Variants in NCKAP5 observed in about 807,000 individuals in gnomAD.
NCKAP5 encodes NCK associated protein 5, also known as nck-associated protein 5.
A neutral mutation model predicts 167.0 loss-of-function variants in NCKAP5; 92 were observed. That is an observed-to-expected ratio of 0.55 (90% CI 0.47 to 0.66). The LOEUF (loss-of-function observed/expected upper bound fraction) is 0.66, where lower values mean the gene tolerates loss of function less well. NCKAP5 is among the 30% of genes least tolerant of loss of function. The pLI, the probability that NCKAP5 is intolerant of heterozygous loss-of-function variation, is 0.00. For synonymous variants in NCKAP5, 891 were observed against 877.4 expected (o/e 1.02, Z -0.27); for missense variants, 2,378 against 2,315.0 (o/e 1.03, Z -0.56).
intron 4 of NCKAP5, chr2:133,269,009 T>C (rs2089385940): frequency 6.6e-6 from 1 of 152,224 alleles, no homozygotes; most frequent in Non-Finnish European, 1.5e-5. Flanking sequence ...TGTCAACTAC[T>C]AGGCTTCTGG....
intron 19 of NCKAP5, among the ~76,000 whole-genome samples, chr2:132,703,402 T>A (rs530765960): frequency 2.6e-5 from 4 of 152,212 alleles, no homozygotes; most frequent in Non-Finnish European, 5.9e-5. Context: ...GCTTTATTAC[T>A]TCATGTTAGA....
intron 5 of NCKAP5, among the ~76,000 whole-genome samples, chr2:133,177,183 T>TATATAC (rs371451759): frequency 0.047 from 6,742 of 142,470 alleles, 533 homozygotes; most frequent in African/African-American, 0.16. Flanking sequence ...TATATATATA[T>TATATAC]ATATACTCAA....
At chr2:132,939,703 A>G (rs1457676741) in intron 8 of NCKAP5, among the ~76,000 whole-genome samples, 1 of 152,138 alleles carries the variant, frequency 6.6e-6, no homozygotes, top group Non-Finnish European at 1.5e-5. Flanking sequence ...CATTGTACTC[A>G]ATATTGTAGT....
intron 6 of NCKAP5, among the ~76,000 whole-genome samples, chr2:132,995,172 TA>T (rs933387571): frequency 1.3e-5 from 2 of 152,260 alleles, no homozygotes; most frequent in East Asian, 3.9e-4. Context: ...ACTAAATCTA[TA>T]AAAAATATTT....
chr2:133,217,924 A>C (rs2086501235), intron 4 of NCKAP5, among the ~76,000 whole-genome samples: 1 of 152,142 alleles, frequency 6.6e-6, no homozygotes, highest in Non-Finnish European at 1.5e-5. Flanking sequence ...GAAAAGTACA[A>C]CTTCCATAGG....
In NCKAP5 at chr2:132,785,565, C is replaced by T; in HGVS notation, c.1246G>A (p.Glu416Lys). The T allele has an allele frequency of 1.3e-6, 2 of 1,599,174 alleles. No homozygotes were observed. Among genetic ancestry groups the T allele is most frequent in the Non-Finnish European group, 8.5e-7 (1 of 1,173,140 alleles). The change falls in exon 14 of 20, where the codon GAA becomes AAA. Residue 416 changes from glutamate to lysine, a missense_variant. Physicochemically the swap from Glu to Lys is moderately conservative, Grantham distance 56. Around this residue, in one of 3 missense-constraint regions of NCKAP5, gnomAD observed 1,049 missense variants for 1,023.4 expected, o/e 1.02. Transcript: ENST00000409261. ...CATTTGGTTATCACTGATGGGGGTTCAAGTAACACTTTTCGCTTCTGTAGC... is the reference window on the plus strand; with the variant it reads ...CATTTGGTTATCACTGATGGGGGTTTAAGTAACACTTTTCGCTTCTGTAGC... ...RKLQKRKVLL[E>K]PPSVITKWGY...
intron 16 of NCKAP5, among the ~76,000 whole-genome samples, chr2:132,733,197 G>A (rs1041179408): frequency 2.6e-5 from 4 of 152,188 alleles, no homozygotes; most frequent in Non-Finnish European, 5.9e-5. Context: ...CAGCTTCCAA[G>A]ATCTGGATGT....
chr2:133,484,714 T>C (rs1378292477), intron 3 of NCKAP5, among the ~76,000 whole-genome samples: 1 of 152,202 alleles, frequency 6.6e-6, no homozygotes, highest in East Asian at 1.9e-4. Flanking sequence ...TAAAATTACC[T>C]TCAGGCTGTG....
the NCKAP5 span, among the ~76,000 whole-genome samples, chr2:133,674,707 T>C: frequency 6.6e-6 from 1 of 152,158 alleles, no homozygotes; most frequent in Admixed American, 6.5e-5. Context: ...TGCTGAATGT[T>C]TCACTTTAGC....
chr2:133,325,677 C>T (rs1214697743), intron 3 of NCKAP5, among the ~76,000 whole-genome samples: 4 of 152,188 alleles, frequency 2.6e-5, no homozygotes, highest in African/African-American at 9.7e-5. Context: ...TCTATCTGCT[C>T]CCAGGGTAGA....
chr2:133,593,045 T>G, the NCKAP5 span, among the ~76,000 whole-genome samples: 2 of 152,170 alleles, frequency 1.3e-5, no homozygotes, highest in Non-Finnish European at 2.9e-5. Context: ...TCCTGGATTG[T>G]CCTTCCTGAG....
rs201843306 is a variant in NCKAP5, at chr2:132,703,755, A to C, written c.5713+21872T>G. Among the ~76,000 whole-genome samples the C allele has an allele frequency of 5.3e-5, 8 of 152,356 alleles. No individual in the cohort carries two copies. The East Asian group carries it at 1.5e-3, about 29-fold the overall frequency. ...ACTTATTTTGTATAAGTATTGTGATAGGTTGTAGAGATTACCAAGATAAAT... is the reference window on the plus strand; with the variant it reads ...ACTTATTTTGTATAAGTATTGTGATCGGTTGTAGAGATTACCAAGATAAAT... On this transcript the variant is annotated intron_variant, in intron 19 of 19. Coordinates refer to ENST00000409261, the MANE Select transcript of NCKAP5 (RefSeq NM_207363.3).
At chr2:132,861,574 G>A (rs968394311) in intron 10 of NCKAP5, among the ~76,000 whole-genome samples, 6 of 151,828 alleles carry the variant, frequency 4.0e-5, no homozygotes, top group African/African-American at 1.2e-4. Flanking sequence ...AAAGCTCTAC[G>A]CATTCCTTCT....
chr2:133,464,396 A>T (rs2151246584), intron 3 of NCKAP5, among the ~76,000 whole-genome samples: 1 of 151,718 alleles, frequency 6.6e-6, no homozygotes, highest in South Asian at 2.1e-4. Flanking sequence ...TAAATGAATA[A>T]ATAAAATAAA....
intron 2 of NCKAP5, among the ~76,000 whole-genome samples, chr2:133,526,008 C>T (rs540951439): frequency 6.6e-5 from 10 of 151,958 alleles, no homozygotes; most frequent in African/African-American, 7.3e-5. Flanking sequence ...TTTAAAATAC[C>T]GGAGTAGATA....
intron 3 of NCKAP5, among the ~76,000 whole-genome samples, chr2:133,465,373 G>A (rs1406208082): frequency 6.6e-6 from 1 of 151,874 alleles, no homozygotes; most frequent in Non-Finnish European, 1.5e-5. Flanking sequence ...ATTCCATGGT[G>A]TATATGTGCC....
At chr2:133,158,318 A>AT (rs1267935447) in intron 5 of NCKAP5, among the ~76,000 whole-genome samples, 5 of 152,138 alleles carry the variant, frequency 3.3e-5, no homozygotes, top group Admixed American at 6.5e-5. Context: ...CCTGCAGATA[A>AT]TTTTTTCTGG....
chr2:133,172,615 T>C (rs2084295064), intron 5 of NCKAP5, among the ~76,000 whole-genome samples: 1 of 151,778 alleles, frequency 6.6e-6, no homozygotes, highest in Non-Finnish European at 1.5e-5. Context: ...GGATTACAGG[T>C]GCCCACCACC....
At chr2:133,565,134 A>T (rs1382929926) in intron 1 of NCKAP5, among the ~76,000 whole-genome samples, 3 of 152,186 alleles carry the variant, frequency 2.0e-5, no homozygotes, top group Non-Finnish European at 4.4e-5. Context: ...AGGAGTACAA[A>T]GGTGCAGATG....
Sources: allele counts gnomAD v4.1 joint callset (sites outside exome capture counted in the v4.1 genomes callset), GRCh38; gene constraint gnomAD v4.1.1; regional missense constraint gnomAD v4.1.1; transcripts MANE v1.5; gene names NCBI Gene and HGNC (gene_info 2026-07-23, HGNC 2026-07-21).